CRTC3: variants seen among roughly 807,000 people sequenced by gnomAD.
CRTC3 encodes CREB regulated transcription coactivator 3.
CRTC3 carries 26 observed loss-of-function variants against 74.5 expected under a neutral mutation model. The observed-to-expected ratio is 0.35, with a 90% CI of 0.26 to 0.48. The LOEUF (loss-of-function observed/expected upper bound fraction) is 0.48, where lower values mean the gene tolerates loss of function less well. CRTC3 is among the 20% of genes least tolerant of loss of function. The probability of loss-of-function intolerance (pLI) is 0.99; values close to 1 mark genes in which losing one functional copy is unlikely to be tolerated. For missense variants in CRTC3, 760 were observed against 787.3 expected, an observed-to-expected ratio of 0.97 and a Z score of 0.41; for synonymous variants, 377 against 325.8, an observed-to-expected ratio of 1.16 and a Z score of -1.69.
chr15:90,545,909 T>C (rs560077394), intron 2 of CRTC3, among the ~76,000 whole-genome samples: 1 of 152,308 alleles, frequency 6.6e-6, no homozygotes, highest in East Asian at 1.9e-4. Flanking sequence ...TTGTTAATTT[T>C]CTTAATCAGT....
At chr15:90,588,784 GC>G (rs1402902072) in intron 2 of CRTC3, among the ~76,000 whole-genome samples, 8 of 152,150 alleles carry the variant, frequency 5.3e-5, no homozygotes, top group Non-Finnish European at 8.8e-5. Context: ...CTGCAGGTCA[GC>G]CCCACCTTTG....
At chr15:90,575,308 G>A (rs1967377806) in intron 2 of CRTC3, among the ~76,000 whole-genome samples, 1 of 152,158 alleles carries the variant, frequency 6.6e-6, no homozygotes, top group Non-Finnish European at 1.5e-5. Flanking sequence ...CCAAGATTGT[G>A]CCATTGCACT....
chr15:90,606,640 T>C (rs989960018), intron 5 of CRTC3: 1 of 152,190 alleles, frequency 6.6e-6, no homozygotes, highest in Non-Finnish European at 1.5e-5. Flanking sequence ...TATCTATTGA[T>C]ATTAGAAATT....
intron 5 of CRTC3, among the ~76,000 whole-genome samples, chr15:90,605,586 T>C (rs1357678096): frequency 8.4e-6 from 1 of 119,664 alleles, no homozygotes; most frequent in Non-Finnish European, 1.7e-5. Context: ...TCGTTTGATA[T>C]TCTCTTGAGT....
chr15:90,628,781 C>CT (rs1294220196), intron 10 of CRTC3, among the ~76,000 whole-genome samples: 1 of 152,012 alleles, frequency 6.6e-6, no homozygotes, highest in East Asian at 1.9e-4. Flanking sequence ...ACCAAGACAG[C>CT]TCCCCAAGGG....
intron 3 of CRTC3, chr15:90,598,635 C>G: frequency 1.5e-6 from 1 of 654,480 alleles, no homozygotes. Context: ...AGAAGAGGAA[C>G]AGATTAAGGG....
chr15:90,640,048 CAAAAT>C (rs1969384834), intron 13 of CRTC3, among the ~76,000 whole-genome samples: 2 of 151,816 alleles, frequency 1.3e-5, no homozygotes, highest in South Asian at 4.2e-4. Flanking sequence ...GACTCTGTCT[CAAAAT>C]AAGTAAATAA....
At chr15:90,560,259 C>T (rs1392266588) in intron 2 of CRTC3, among the ~76,000 whole-genome samples, 11 of 152,154 alleles carry the variant, frequency 7.2e-5, no homozygotes, top group Non-Finnish European at 1.5e-4. Context: ...GTCAGGACAC[C>T]TCTAAATCCT....
intron 2 of CRTC3, among the ~76,000 whole-genome samples, chr15:90,556,888 C>A (rs1447557824): frequency 1.4e-5 from 2 of 147,932 alleles, no homozygotes; most frequent in Non-Finnish European, 3.0e-5. Context: ...CTTGTCATTT[C>A]TAGAAAATAA....
chr15:90,616,342 C>T lies in CRTC3; in HGVS notation c.614-1541C>T, dbSNP rs79372150. 4.6e-5 allele frequency among the ~76,000 whole-genome samples: 7 copies of T among 152,306 alleles called. No individual in the cohort carries two copies. The East Asian group carries it at 1.3e-3, about 29-fold the overall frequency. Reference sequence around the variant, plus strand: ...CAAATAAGTTAGACCGCTACCCATACTTAATTCATTCTAGAAGTCCACAAC... The same window carrying T: ...CAAATAAGTTAGACCGCTACCCATATTTAATTCATTCTAGAAGTCCACAAC... On this transcript the variant is annotated intron_variant, in intron 7 of 14. Coordinates refer to ENST00000268184, the MANE Select transcript of CRTC3 (RefSeq NM_022769.5).
At chr15:90,539,599 G>T (rs2151055853) in intron 1 of CRTC3, 1 of 190,582 alleles carries the variant, frequency 5.2e-6, no homozygotes, top group Non-Finnish European at 1.1e-5. Context: ...TGATGAGCAT[G>T]CTAGGTTGTA....
intron 6 of CRTC3, among the ~76,000 whole-genome samples, chr15:90,610,090 A>G (rs1218651475): frequency 6.6e-6 from 1 of 152,206 alleles, no homozygotes; most frequent in Admixed American, 6.5e-5. Flanking sequence ...GATGGAAATT[A>G]TTTCTGGAGA....
At chr15:90,610,827 C>T (rs923143178) in intron 6 of CRTC3, among the ~76,000 whole-genome samples, 3 of 152,162 alleles carry the variant, frequency 2.0e-5, no homozygotes, top group African/African-American at 7.2e-5. Context: ...GGGGTGGTCT[C>T]TTCCTTTCAG....
chr15:90,534,663 G>A (rs1006403763), intron 1 of CRTC3, among the ~76,000 whole-genome samples: 1 of 152,162 alleles, frequency 6.6e-6, no homozygotes, highest in Non-Finnish European at 1.5e-5. Flanking sequence ...ATAATCCAAC[G>A]ACACTCACCC....
At chr15:90,550,446 C>T (rs1346243467) in intron 2 of CRTC3, among the ~76,000 whole-genome samples, 3 of 41,750 alleles carry the variant, frequency 7.2e-5, no homozygotes, top group Admixed American at 4.0e-4. Context: ...TTTCCTTTGC[C>T]TGTTTTTTTT....
At chr15:90,580,278 G>C (rs574456173) in intron 2 of CRTC3, among the ~76,000 whole-genome samples, 1 of 152,212 alleles carries the variant, frequency 6.6e-6, no homozygotes, top group South Asian at 2.1e-4. Context: ...GCCAGGAGAG[G>C]ATAGCATTAT....
At chr15:90,640,426 C>T (rs1344851751) in intron 13 of CRTC3, among the ~76,000 whole-genome samples, 2 of 152,110 alleles carry the variant, frequency 1.3e-5, no homozygotes, top group African/African-American at 4.8e-5. Flanking sequence ...TGGCTCACAC[C>T]CATAATCCCA....
intron 2 of CRTC3, among the ~76,000 whole-genome samples, chr15:90,580,476 T>TG (rs993889455): frequency 2.0e-5 from 3 of 151,790 alleles, no homozygotes; most frequent in African/African-American, 7.3e-5. Context: ...TCACCCAGAC[T>TG]GGAGTGCAGT....
At chr15:90,536,646 G>A (rs778359643) in intron 1 of CRTC3, among the ~76,000 whole-genome samples, 3 of 152,194 alleles carry the variant, frequency 2.0e-5, no homozygotes, top group Non-Finnish European at 4.4e-5. Context: ...AATTAATGAG[G>A]CCTGGATCTC....
Sources: allele counts gnomAD v4.1 joint callset (sites outside exome capture counted in the v4.1 genomes callset), GRCh38; gene constraint gnomAD v4.1.1; transcripts MANE v1.5; gene names NCBI Gene and HGNC (gene_info 2026-07-23, HGNC 2026-07-21).